Variants in GALNT9 observed in about 807,000 individuals in gnomAD.
GALNT9 encodes polypeptide N-acetylgalactosaminyltransferase 9, also known as GalNAc transferase 9.
Under a neutral mutation model 63.1 loss-of-function variants are expected in GALNT9, and 47 were observed. The ratio of observed to expected loss-of-function variants is 0.75; its 90% CI spans 0.59 to 0.95. GALNT9 has a LOEUF of 0.95. Ranked by LOEUF, GALNT9 falls within the 40% of genes least tolerant of loss-of-function variation. The pLI is 0.00. For missense variants in GALNT9, 829 were observed against 874.8 expected (o/e 0.95, Z 0.66); for synonymous variants, 396 against 365.7 (o/e 1.08, Z -0.94).
In GALNT9 at chr12:132,329,183, G is replaced by T; in HGVS notation, c.21C>A (p.Ile7=). The T allele has an allele frequency of 6.5e-7, 1 of 1,548,242 alleles. No homozygotes were observed. The highest frequency in any genetic ancestry group is 8.7e-7 in the Non-Finnish European group (1 of 1,145,756). The change falls in exon 1 of 11, where the codon ATC becomes ATA. Residue 7 remains isoleucine, a synonymous_variant. Transcript: ENST00000328957. The part of the protein sequence containing the change: MAVARK[I]RTLLTVNILV... ...GGATGTTCACCGTCAGCAAAGTTCG[G>T]ATCTTCCTGGCCACCGCCATGAACA...
intron 1 of GALNT9, among the ~76,000 whole-genome samples, chr12:132,313,785 TCCAC>T (rs1881911164): frequency 1.2e-5 from 1 of 82,374 alleles, no homozygotes; most frequent in African/African-American, 5.0e-5. Flanking sequence ...CATCCATACA[TCCAC>T]CCATCCACCC....
chr12:132,304,366 G>A (rs1199842962), intron 1 of GALNT9, among the ~76,000 whole-genome samples: 1 of 32,040 alleles, frequency 3.1e-5, no homozygotes. Context: ...CCCGGGCACA[G>A]CCTCACCCGG....
intron 6 of GALNT9, among the ~76,000 whole-genome samples, chr12:132,235,583 G>A (rs996166471): frequency 3.1e-4 from 47 of 152,138 alleles, no homozygotes; most frequent in Admixed American, 6.5e-4. Flanking sequence ...AGTTGGGGAA[G>A]GGGGAGACCC....
chr12:132,323,363 G>T (rs532582999), intron 1 of GALNT9, among the ~76,000 whole-genome samples: 1 of 152,198 alleles, frequency 6.6e-6, no homozygotes, highest in African/African-American at 2.4e-5. Context: ...GCTGCCGACC[G>T]GGCCTGCTCT....
intron 6 of GALNT9, among the ~76,000 whole-genome samples, chr12:132,244,905 C>T (rs1368880413): frequency 6.6e-6 from 1 of 150,830 alleles, no homozygotes; most frequent in Non-Finnish European, 1.5e-5. Flanking sequence ...GCCTGTCTCC[C>T]ACCGTAGAGC....
chr12:132,323,123 G>A (rs782466385), intron 1 of GALNT9, among the ~76,000 whole-genome samples: 3 of 152,260 alleles, frequency 2.0e-5, no homozygotes, highest in Non-Finnish European at 4.4e-5. Flanking sequence ...CTGCCCGTTT[G>A]TCCTCAGTGG....
intron 1 of GALNT9, among the ~76,000 whole-genome samples, chr12:132,305,309 ACCCTCACCCAGACACG>A (rs1168119899): frequency 2.0e-5 from 1 of 50,420 alleles, no homozygotes; most frequent in Non-Finnish European, 3.4e-5. Flanking sequence ...ACCGGGGCAC[ACCCTCACCCAGACACG>A]CCCTCACCCA....
At chr12:132,211,511 C>G (rs1876954710) in intron 6 of GALNT9, among the ~76,000 whole-genome samples, 1 of 152,178 alleles carries the variant, frequency 6.6e-6, no homozygotes, top group East Asian at 1.9e-4. Flanking sequence ...GGTCAAACCA[C>G]ATGCAGCTGC....
intron 6 of GALNT9, chr12:132,247,428 G>A: frequency 2.8e-6 from 1 of 359,384 alleles, no homozygotes; most frequent in Non-Finnish European, 5.6e-6. Context: ...ACTCAGGGTA[G>A]CCCCATCTCA....
At chr12:132,254,931 C>T (rs1487099043) in intron 5 of GALNT9, among the ~76,000 whole-genome samples, 1 of 152,212 alleles carries the variant, frequency 6.6e-6, no homozygotes, top group Non-Finnish European at 1.5e-5. Flanking sequence ...GCAGCCACAG[C>T]TCAGCTTCAG....
intron 6 of GALNT9, among the ~76,000 whole-genome samples, chr12:132,240,313 G>GCTCTGGC (rs1475277673): frequency 2.0e-5 from 3 of 152,132 alleles, no homozygotes; most frequent in Non-Finnish European, 4.4e-5. Context: ...CCCCGGCCCG[G>GCTCTGGC]CTCTGGCCTC....
intron 6 of GALNT9, among the ~76,000 whole-genome samples, chr12:132,207,657 A>G (rs146576718): frequency 0.032 from 4,905 of 152,208 alleles, 247 homozygotes; most frequent in African/African-American, 0.11. Flanking sequence ...GAGTCGGCCA[A>G]CTTCCATCAT....
In GALNT9 at chr12:132,197,081, C is replaced by T. The variant is rs1177530420; in HGVS notation, c.*26G>A. ...GCTCGGCCCAGCGCCTTCCCGAGGT[C>T]TGTGGGGGTCCGGGCGGAGGTGGGG... On this transcript the variant is annotated 3_prime_UTR_variant, in exon 11 of 11. Coordinates refer to ENST00000328957, the MANE Select transcript of GALNT9 (RefSeq NM_001122636.2). 6.2e-7 allele frequency: 1 copy of T among 1,612,576 alleles called. No individual in the cohort carries two copies. Among genetic ancestry groups the T allele is most frequent in the South Asian group, 1.1e-5 (1 of 90,998 alleles).
intron 6 of GALNT9, among the ~76,000 whole-genome samples, chr12:132,247,034 A>G (rs1320359867): frequency 6.6e-6 from 1 of 152,254 alleles, no homozygotes; most frequent in Non-Finnish European, 1.5e-5. Flanking sequence ...TGTGAATAGA[A>G]GCCCCATGGG....
intron 8 of GALNT9, 23 bp from the exon 9 acceptor site, chr12:132,199,292 A>G (rs903934799): frequency 6.4e-7 from 1 of 1,559,110 alleles, no homozygotes; most frequent in Non-Finnish European, 8.8e-7. Context: ...GCCCCAGGAG[A>G]AAGTCCAGAG....
chr12:132,204,799 CG>C (rs34696271), intron 6 of GALNT9, among the ~76,000 whole-genome samples: 410 of 152,246 alleles, frequency 2.7e-3, no homozygotes, highest in Non-Finnish European at 4.7e-3. Context: ...ATGCCACCCA[CG>C]GGCTGACATC....
chr12:132,209,078 A>G (rs57239828), intron 6 of GALNT9, among the ~76,000 whole-genome samples: 4,916 of 152,284 alleles, frequency 0.032, 253 homozygotes, highest in African/African-American at 0.11. Context: ...AAGTCCAAGC[A>G]TTAGAGCCAT....
chr12:132,240,992 C>G, intron 6 of GALNT9, among the ~76,000 whole-genome samples: 1 of 141,660 alleles, frequency 7.1e-6, no homozygotes, highest in Non-Finnish European at 1.5e-5. Context: ...GCCACACCCC[C>G]TTCCCGGGGC....
At chr12:132,288,080 C>T (rs75803119) in intron 1 of GALNT9, among the ~76,000 whole-genome samples, 3,378 of 152,304 alleles carry the variant, frequency 0.022, 47 homozygotes, top group Middle Eastern at 0.092. Flanking sequence ...CCCACAACTG[C>T]CCGCCTGGGA....
Sources: gnomAD v4.1 joint callset for allele counts (sites outside exome capture counted in the v4.1 genomes callset) on GRCh38, gnomAD v4.1.1 for gene constraint, MANE v1.5 for transcripts, NCBI Gene and HGNC (gene_info 2026-07-23, HGNC 2026-07-21) for gene names.